Variants in CASP8 observed in about 807,000 individuals in gnomAD.
CASP8 encodes caspase 8.
Under a neutral mutation model 46.3 loss-of-function variants are expected in CASP8, and 24 were observed. That is an observed-to-expected ratio of 0.52 (90% confidence interval 0.38 to 0.73). CASP8 has a LOEUF of 0.73. Ranked by LOEUF, CASP8 falls within the 30% of genes least tolerant of loss-of-function variation. The pLI is 0.00. For synonymous variants in CASP8, 188 were observed against 200.4 expected (o/e 0.94, Z 0.52); for missense variants, 460 against 559.0 (o/e 0.82, Z 1.79).
At chr2:201,258,024 CT>C, upstream of CASP8, 1 of 584,994 alleles carries the variant, frequency 1.7e-6, no homozygotes, top group Non-Finnish European at 3.0e-6. Context: ...GGAAACATTT[CT>C]TGTTCGAGTG....
chr2:201,261,296 C>T (rs1559344233), intron 1 of CASP8, among the ~76,000 whole-genome samples: 1 of 148,288 alleles, frequency 6.7e-6, no homozygotes, highest in Non-Finnish European at 1.5e-5. Context: ...GAGGCTGAGG[C>T]AGGAGAATCG....
chr2:201,235,277 C>T (rs995134072), intron 2 of CASP8, among the ~76,000 whole-genome samples: 7 of 151,878 alleles, frequency 4.6e-5, no homozygotes, highest in South Asian at 2.1e-4. Context: ...TTCAGTGTTT[C>T]GGTGTTCTTA....
Position 201,271,626 on chromosome 2 carries a change from GA to G in CASP8, c.411+6del, listed in dbSNP as rs767000199. 5 of 1,519,552 alleles carry G rather than the reference GA, an allele frequency of 3.3e-6. No individual in the cohort carries two copies. In the African/African-American group the frequency reaches 5.5e-5, roughly 17 times the overall value. The allele number at this position is 1,519,552 out of a possible 1,614,324, so 94.1% of individuals were successfully genotyped here. On this transcript the variant is annotated splice_donor_region_variant and intron_variant, in intron 3 of 8. Coordinates refer to ENST00000673742, the MANE Select transcript of CASP8 (RefSeq NM_001372051.1). ...TGCAAACTGGATGATGACATGGTAA[GA>G]CCTGGTATCTTACTGAGATTTAGTC...
chr2:201,245,689 C>T (rs925389209), intron 2 of CASP8, among the ~76,000 whole-genome samples: 3 of 152,172 alleles, frequency 2.0e-5, no homozygotes, highest in Non-Finnish European at 4.4e-5. Flanking sequence ...TGGAGTGAGG[C>T]GTAGGTTCCA....
intron 2 of CASP8, among the ~76,000 whole-genome samples, chr2:201,246,607 G>A (rs1048715159): frequency 2.0e-5 from 3 of 151,950 alleles, no homozygotes; most frequent in Non-Finnish European, 4.4e-5. Context: ...GACCTGAATC[G>A]ACCACCCTCA....
At chr2:201,242,805 C>G (rs1437703331) in intron 2 of CASP8, 1 of 151,942 alleles carries the variant, frequency 6.6e-6, no homozygotes, top group Non-Finnish European at 1.5e-5. Context: ...CATAGCAGCA[C>G]TATTTACAGT....
upstream of CASP8, chr2:201,258,232 A>G (rs1403384619): frequency 3.7e-6 from 6 of 1,606,298 alleles, no homozygotes; most frequent in Middle Eastern, 1.7e-4. Flanking sequence ...AAGTGAGGCC[A>G]TGGAGGGAGG....
intron 5 of CASP8, among the ~76,000 whole-genome samples, chr2:201,273,646 G>A (rs1576334890): frequency 1.3e-5 from 2 of 151,856 alleles, no homozygotes; most frequent in East Asian, 1.9e-4. Context: ...AGCTCTCAAC[G>A]ATCTCCTTCA....
chr2:201,267,302 TGAAATCCCCCTCCC>T (rs1947890371), intron 2 of CASP8, among the ~76,000 whole-genome samples: 1 of 152,038 alleles, frequency 6.6e-6, no homozygotes, highest in African/African-American at 2.4e-5. Context: ...CTTCCCACCC[TGAAATCCCCCTCCC>T]ACCTGCTTGC....
chr2:201,279,909 T>C (rs1225067344), intron 7 of CASP8, among the ~76,000 whole-genome samples: 1 of 152,010 alleles, frequency 6.6e-6, no homozygotes, highest in East Asian at 1.9e-4. Flanking sequence ...GCTGAGATCG[T>C]ACCACTGCAC....
At chr2:201,237,083 C>CTTTTTTTT (rs1296037627) in intron 2 of CASP8, among the ~76,000 whole-genome samples, 1 of 121,350 alleles carries the variant, frequency 8.2e-6, no homozygotes, top group African/African-American at 3.5e-5. Flanking sequence ...TGACCCCTTT[C>CTTTTTTTT]TATTTTTTTT....
At chr2:201,269,658 G>T (rs563486849) in intron 2 of CASP8, 1 of 1,284,274 alleles carries the variant, frequency 7.8e-7, no homozygotes, top group Non-Finnish European at 1.1e-6. Flanking sequence ...AAAAGGGTCC[G>T]GGCAATCCTG....
chr2:201,247,842 C>T (rs2124968767), intron 2 of CASP8, among the ~76,000 whole-genome samples: 1 of 152,288 alleles, frequency 6.6e-6, no homozygotes, highest in South Asian at 2.1e-4. Context: ...GACAGCGTTT[C>T]ACTGTTTTAG....
chr2:201,259,881 G>A (rs1947265103), upstream of CASP8, among the ~76,000 whole-genome samples: 1 of 147,566 alleles, frequency 6.8e-6, no homozygotes, highest in Non-Finnish European at 1.5e-5. Flanking sequence ...GCATTTTAGA[G>A]TTTTTTCTTT....
intron 2 of CASP8, among the ~76,000 whole-genome samples, chr2:201,251,824 C>T (rs900216209): frequency 6.6e-6 from 1 of 151,914 alleles, no homozygotes; most frequent in Non-Finnish European, 1.5e-5. Context: ...ATCGCTTGAA[C>T]CCAGAGGCAG....
Position 201,285,239 on chromosome 2 carries a change from G to C in CASP8, c.1226G>C (p.Cys409Ser), listed in dbSNP as rs1276936823. ...CTGGGGATGGCCACTGTGAATAACT[G>C]TGTTTCCTACCGAAACCCTGCAGAG... The part of the protein sequence containing the change: ...FLLGMATVNN[C>S]VSYRNPAEGT... The change falls in exon 8 of 9, where the codon TGT becomes TCT. Residue 409 changes from cysteine to serine, a missense_variant. Physicochemically the swap from Cys to Ser is moderately radical, Grantham distance 112. Transcript: ENST00000673742. The C allele has an allele frequency of 4.3e-6, 7 of 1,614,028 alleles. No homozygotes were observed. The highest frequency in any genetic ancestry group is 1.7e-5 in the Admixed American group (1 of 60,002).
chr2:201,237,071 T>C (rs1946080080), intron 2 of CASP8, among the ~76,000 whole-genome samples: 1 of 150,462 alleles, frequency 6.6e-6, no homozygotes, highest in Non-Finnish European at 1.5e-5. Context: ...TTTTCCCCAG[T>C]ATGACCCCTT....
At chr2:201,278,578 C>A (rs913029083) in intron 7 of CASP8, among the ~76,000 whole-genome samples, 4 of 151,490 alleles carry the variant, frequency 2.6e-5, no homozygotes, top group Non-Finnish European at 4.4e-5. Context: ...ACTCTGTTGC[C>A]CAGGCTGCAG....
At chr2:201,257,307 C>G (rs1947067455), upstream of CASP8, among the ~76,000 whole-genome samples, 1 of 151,328 alleles carries the variant, frequency 6.6e-6, no homozygotes, top group Non-Finnish European at 1.5e-5. Flanking sequence ...CATGGTGAAT[C>G]CCCATCTCTA....
Sources: gnomAD v4.1 joint callset for allele counts (sites outside exome capture counted in the v4.1 genomes callset) on GRCh38, gnomAD v4.1.1 for gene constraint, MANE v1.5 for transcripts, NCBI Gene and HGNC (gene_info 2026-07-23, HGNC 2026-07-21) for gene names.